CTNNA3: variants seen among roughly 807,000 people sequenced by gnomAD.
The protein encoded by CTNNA3 is catenin alpha-3.
CTNNA3 carries 76 observed loss-of-function variants against 95.7 expected under a neutral mutation model. The ratio of observed to expected loss-of-function variants is 0.79; its 90% CI spans 0.66 to 0.96. The LOEUF (loss-of-function observed/expected upper bound fraction) is 0.96, where lower values mean the gene tolerates loss of function less well. Among genes scored for constraint, CTNNA3 ranks in the 40% least tolerant of loss-of-function variants. The pLI, the probability that CTNNA3 is intolerant of heterozygous loss-of-function variation, is 0.00. For synonymous variants in CTNNA3, 431 were observed against 374.4 expected (o/e 1.15, Z -1.74); for missense variants, 1,191 against 1,089.8 (o/e 1.09, Z -1.31).
chr10:66,739,847 A>G (rs1359668319), intron 9 of CTNNA3, among the ~76,000 whole-genome samples: 1 of 152,222 alleles, frequency 6.6e-6, no homozygotes, highest in Middle Eastern at 3.2e-3. Flanking sequence ...TATACATAAA[A>G]TATATACATA....
chr10:67,726,458 G>T (rs373972994), intron 1 of CTNNA3, among the ~76,000 whole-genome samples: 424 of 13,374 alleles, frequency 0.032, 5 homozygotes, highest in East Asian at 0.085. Flanking sequence ...TATTATATAT[G>T]ATATATGATA....
intron 9 of CTNNA3, among the ~76,000 whole-genome samples, chr10:66,713,252 A>G (rs1460489379): frequency 1.3e-5 from 2 of 152,048 alleles, no homozygotes; most frequent in Non-Finnish European, 2.9e-5. Flanking sequence ...GCAATATTCA[A>G]TAGCAGGGCC....
At chr10:66,745,020 A>G (rs771372436) in intron 9 of CTNNA3, among the ~76,000 whole-genome samples, 1 of 152,206 alleles carries the variant, frequency 6.6e-6, no homozygotes, top group African/African-American at 2.4e-5. Flanking sequence ...TCACAATTCA[A>G]GACCGTGGGT....
At chr10:67,418,326 C>CTACA (rs1845616109) in intron 5 of CTNNA3, among the ~76,000 whole-genome samples, 1 of 151,992 alleles carries the variant, frequency 6.6e-6, no homozygotes, top group South Asian at 2.1e-4. Flanking sequence ...AAAAATAGAA[C>CTACA]TACAATATGA....
rs375607074 is a variant in CTNNA3, at chr10:67,647,441, T to C, written c.73A>G (p.Lys25Glu). 5.6e-6 allele frequency: 9 copies of C among 1,613,388 alleles called. No individual in the cohort carries two copies. In the South Asian group the frequency reaches 9.9e-5, roughly 18 times the overall value. The change falls in exon 2 of 18, where the codon AAG (lysine) becomes GAG (glutamate). Residue 25 changes from lysine (K) to glutamate (E), a missense_variant. Physicochemically the swap from Lys to Glu is moderately conservative, Grantham distance 56. Coordinates refer to ENST00000433211, the MANE Select transcript of CTNNA3 (RefSeq NM_013266.4). Reference sequence around the variant, plus strand: ...TGGATTATGAGAGGCTCCAGTAGCTTCTCCACGGTGAATGTTTGGACCTGC... The same window carrying C: ...TGGATTATGAGAGGCTCCAGTAGCTCCTCCACGGTGAATGTTTGGACCTGC... ...DLQVQTFTVE[K>E]LLEPLIIQVT... is the part of the protein sequence containing the mutation.
intron 13 of CTNNA3, among the ~76,000 whole-genome samples, chr10:66,274,327 TA>T (rs2091347308): frequency 1.3e-5 from 2 of 149,888 alleles, no homozygotes; most frequent in African/African-American, 5.1e-5. Flanking sequence ...TTAAAAACAT[TA>T]AAACCATTCT....
intron 7 of CTNNA3, among the ~76,000 whole-genome samples, chr10:67,130,911 CA>C (rs1859969590): frequency 6.6e-6 from 1 of 151,940 alleles, no homozygotes; most frequent in Non-Finnish European, 1.5e-5. Flanking sequence ...GCATTTTGGA[CA>C]GGCATCAAGA....
At chr10:67,141,930 C>T (rs2132042919) in intron 7 of CTNNA3, among the ~76,000 whole-genome samples, 1 of 151,894 alleles carries the variant, frequency 6.6e-6, no homozygotes, top group African/African-American at 2.4e-5. Context: ...TAAACAGCTG[C>T]ATAGTTGTGA....
At chr10:67,726,976 TAC>T (rs1841234878) in intron 1 of CTNNA3, among the ~76,000 whole-genome samples, 1 of 114,818 alleles carries the variant, frequency 8.7e-6, no homozygotes, top group Admixed American at 1.1e-4. Context: ...ATATATAATA[TAC>T]GATACATATA....
At chr10:66,954,181 GAAAT>G (rs1306924817) in intron 7 of CTNNA3, among the ~76,000 whole-genome samples, 1 of 152,030 alleles carries the variant, frequency 6.6e-6, no homozygotes, top group Non-Finnish European at 1.5e-5. Context: ...TATGAAATTT[GAAAT>G]ATATAGATTT....
chr10:65,963,959 T>A (rs571435969), intron 17 of CTNNA3, among the ~76,000 whole-genome samples: 1 of 152,328 alleles, frequency 6.6e-6, no homozygotes, highest in East Asian at 1.9e-4. Flanking sequence ...TAGAAATGCA[T>A]TCCGTTCACA....
intron 16 of CTNNA3, among the ~76,000 whole-genome samples, chr10:65,983,586 T>C (rs2078367068): frequency 6.6e-6 from 1 of 151,474 alleles, no homozygotes; most frequent in African/African-American, 2.4e-5. Flanking sequence ...TTGTTATAGG[T>C]AAGAATAGCT....
At chr10:66,485,548 TCTGTTTA>T (rs986190579) in intron 11 of CTNNA3, among the ~76,000 whole-genome samples, 2 of 152,076 alleles carry the variant, frequency 1.3e-5, no homozygotes, top group Non-Finnish European at 2.9e-5. Flanking sequence ...AGGTGAAAGA[TCTGTTTA>T]CTAAAAATTA....
intron 7 of CTNNA3, among the ~76,000 whole-genome samples, chr10:67,030,379 A>C (rs116063132): frequency 0.03 from 4,569 of 152,258 alleles, 247 homozygotes; most frequent in African/African-American, 0.1. Flanking sequence ...TTATAAAATT[A>C]ATGAAATATT....
At position 67,109,054 on chromosome 10, in the gene CTNNA3, A is replaced by C. The variant is rs1396658281; in HGVS notation, c.1047+71263T>G. On this transcript the variant is annotated intron_variant, in intron 7 of 17. Coordinates refer to ENST00000433211, the MANE Select transcript of CTNNA3 (RefSeq NM_013266.4). ...AAAAATGTCCATTAAAATGCTACCT[A>C]TGTGGGTTAAAAAGCCTATAATACA... Among the ~76,000 whole-genome samples, 5 of 152,134 alleles carry C rather than the reference A, an allele frequency of 3.3e-5. No individual in the cohort carries two copies. In the East Asian group the frequency reaches 9.6e-4, roughly 29 times the overall value.
intron 1 of CTNNA3, among the ~76,000 whole-genome samples, chr10:67,722,169 C>T (rs554892784): frequency 1.3e-5 from 2 of 152,248 alleles, no homozygotes; most frequent in South Asian, 4.1e-4. Context: ...CTAGTGCAAA[C>T]ACTAAGAACC....
At chr10:65,959,552 T>G (rs1226506766) in intron 17 of CTNNA3, among the ~76,000 whole-genome samples, 1 of 152,174 alleles carries the variant, frequency 6.6e-6, no homozygotes, top group Non-Finnish European at 1.5e-5. Context: ...TGAGACAAGG[T>G]CTGGCTCTAT....
chr10:66,479,258 C>A (rs1462676845), intron 11 of CTNNA3, among the ~76,000 whole-genome samples: 1 of 151,464 alleles, frequency 6.6e-6, no homozygotes, highest in Non-Finnish European at 1.5e-5. Context: ...ATATTGAAGT[C>A]TATATCCTCA....
chr10:67,584,678 GAGGC>G (rs566860647), intron 3 of CTNNA3, among the ~76,000 whole-genome samples: 2 of 152,350 alleles, frequency 1.3e-5, no homozygotes, highest in African/African-American at 4.8e-5. Flanking sequence ...GGAGTCTACA[GAGGC>G]AGGCAGGCCT....
Sources: allele counts gnomAD v4.1 joint callset (sites outside exome capture counted in the v4.1 genomes callset), GRCh38; gene constraint gnomAD v4.1.1; transcripts MANE v1.5; gene names NCBI Gene and HGNC (gene_info 2026-07-23, HGNC 2026-07-21).